Variants in RELN observed in about 807,000 individuals in gnomAD.
RELN encodes reelin.
RELN carries 108 observed loss-of-function variants against 427.6 expected under a neutral mutation model. The ratio of observed to expected loss-of-function variants is 0.25; its 90% CI spans 0.22 to 0.30. The LOEUF is 0.30. Ranked by LOEUF, RELN falls within the 10% of genes least tolerant of loss-of-function variation. The pLI, the probability that RELN is intolerant of heterozygous loss-of-function variation, is 1.00. For missense variants in RELN, 3,715 were observed against 4,302.8 expected (o/e 0.86, Z 3.82); for synonymous variants, 1,524 against 1,513.4 (o/e 1.01, Z -0.16).
intron 6 of RELN, among the ~76,000 whole-genome samples, chr7:103,736,138 A>T (rs923681699): frequency 2.0e-5 from 3 of 152,216 alleles, no homozygotes; most frequent in African/African-American, 7.2e-5. Context: ...CTTGCCGGCC[A>T]TTTGGTAGCT....
intron 49 of RELN, among the ~76,000 whole-genome samples, chr7:103,516,089 G>C (rs763279563): frequency 2.6e-5 from 4 of 152,002 alleles, no homozygotes; most frequent in Non-Finnish European, 4.4e-5. Flanking sequence ...CACTCACCAG[G>C]GACAGACATG....
At chr7:103,931,184 C>T (rs935943344) in intron 1 of RELN, among the ~76,000 whole-genome samples, 1 of 152,092 alleles carries the variant, frequency 6.6e-6, no homozygotes, top group Non-Finnish European at 1.5e-5. Flanking sequence ...TCTCACCTGC[C>T]ATTCTAGGCT....
rs527440675 is a variant in RELN at position 103,797,306 on chromosome 7, A to T, written c.474-20679T>A. 3.8e-4 allele frequency among the ~76,000 whole-genome samples: 58 copies of T among 152,248 alleles called. No individual in the cohort carries two copies. The South Asian group carries it at 0.011, about 29-fold the overall frequency. ...TTTTTAGTAGAGATGGGGTTTCACC[A>T]TGTTGGCTAGGCGGTCTCGAACTCC... is the stretch of plus-strand genomic sequence containing the variant. On this transcript the variant is annotated intron_variant, in intron 3 of 64. Coordinates refer to ENST00000428762, the MANE Select transcript of RELN (RefSeq NM_005045.4).
At chr7:103,647,961 C>T (rs149707523) in intron 16 of RELN, among the ~76,000 whole-genome samples, 1 of 152,026 alleles carries the variant, frequency 6.6e-6, no homozygotes, top group Non-Finnish European at 1.5e-5. Context: ...AAAGAACACC[C>T]TATTCAATAA....
At chr7:103,967,865 C>T (rs1796690420) in intron 1 of RELN, among the ~76,000 whole-genome samples, 1 of 152,206 alleles carries the variant, frequency 6.6e-6, no homozygotes, top group Non-Finnish European at 1.5e-5. Flanking sequence ...TTTGATTCCT[C>T]TAGATCTAAG....
chr7:103,779,547 A>C (rs1791834117), intron 3 of RELN, among the ~76,000 whole-genome samples: 1 of 152,154 alleles, frequency 6.6e-6, no homozygotes, highest in Non-Finnish European at 1.5e-5. Context: ...GAGCTACTGC[A>C]TGATTTACAA....
chr7:103,651,463 T>C (rs992665446), intron 15 of RELN, among the ~76,000 whole-genome samples, 198 bp downstream of exon 15: 3 of 152,108 alleles, frequency 2.0e-5, no homozygotes, highest in Non-Finnish European at 4.4e-5. Context: ...ATGAATGGCC[T>C]TACAAATGTT....
intron 5 of RELN, among the ~76,000 whole-genome samples, chr7:103,750,875 G>A (rs1206942655): frequency 6.6e-6 from 1 of 152,102 alleles, no homozygotes; most frequent in African/African-American, 2.4e-5. Context: ...ACACATTTGA[G>A]GTATATTGAA....
At chr7:103,542,915 C>G in intron 42 of RELN, 37 bp from the exon 43 acceptor site, 11 of 1,600,076 alleles carry the variant, frequency 6.9e-6, no homozygotes, top group Non-Finnish European at 9.4e-6. Flanking sequence ...CCTATGACCC[C>G]AACTATAGTG....
At chr7:103,814,898 A>G (rs1487885314) in intron 3 of RELN, among the ~76,000 whole-genome samples, 2 of 152,230 alleles carry the variant, frequency 1.3e-5, no homozygotes, top group Non-Finnish European at 2.9e-5. Flanking sequence ...ACATCTATTT[A>G]GCAATGTTTC....
Position 103,596,539 on chromosome 7 carries a change from G to T in RELN, c.3456C>A (p.Gly1152=). The T allele has an allele frequency of 6.8e-6, 11 of 1,613,940 alleles. No individual in the cohort carries two copies. The highest frequency in any genetic ancestry group is 8.5e-6 in the Non-Finnish European group (10 of 1,179,876). ...CATTGTTGCTGTACTGAAGGAGGAC[G>T]CCCTCCTCTCTGCTGTCAGGCTTGT... is the stretch of plus-strand genomic sequence containing the variant. ...SCNKPDSREE[G]VLLQYSNNGG... The change falls in exon 25 of 65, where the codon GGC becomes GGA. Residue 1152 remains glycine, a synonymous_variant. Coordinates refer to ENST00000428762, the MANE Select transcript of RELN (RefSeq NM_005045.4).
chr7:103,898,608 A>C (rs1274072900), intron 2 of RELN, among the ~76,000 whole-genome samples: 1 of 152,036 alleles, frequency 6.6e-6, no homozygotes, highest in Non-Finnish European at 1.5e-5. Flanking sequence ...AGTGTGCGTA[A>C]TTTTAAACAT....
At chr7:103,594,699 G>A (rs913792331) in intron 25 of RELN, among the ~76,000 whole-genome samples, 4 of 152,118 alleles carry the variant, frequency 2.6e-5, no homozygotes, top group Non-Finnish European at 5.9e-5. Context: ...ATTTCATTTG[G>A]AATTGTATCT....
chr7:103,552,136 T>C (rs565392225), intron 40 of RELN, among the ~76,000 whole-genome samples: 99 of 152,284 alleles, frequency 6.5e-4, no homozygotes, highest in South Asian at 1.7e-3. Context: ...TATCCACCAG[T>C]GTATTCTGTC....
At chr7:103,584,239 C>A (rs1437058622) in intron 28 of RELN, among the ~76,000 whole-genome samples, 1 of 152,154 alleles carries the variant, frequency 6.6e-6, no homozygotes, top group Admixed American at 6.5e-5. Context: ...ACGTAATGGG[C>A]TAAATCCTCA....
At chr7:103,866,677 C>T (rs749021641) in intron 2 of RELN, among the ~76,000 whole-genome samples, 5 of 151,866 alleles carry the variant, frequency 3.3e-5, no homozygotes, top group African/African-American at 7.3e-5. Flanking sequence ...ACATGTATCC[C>T]AAGATGTCTT....
chr7:103,616,406 T>C (rs1459462477), intron 20 of RELN, among the ~76,000 whole-genome samples: 1 of 152,130 alleles, frequency 6.6e-6, no homozygotes, highest in Non-Finnish European at 1.5e-5. Context: ...GCGGAAAAAC[T>C]TGTTGATGTT....
intron 2 of RELN, among the ~76,000 whole-genome samples, chr7:103,835,452 G>A (rs1054610578): frequency 1.3e-5 from 2 of 152,274 alleles, no homozygotes; most frequent in Middle Eastern, 3.4e-3. Flanking sequence ...ACTTTGAGCA[G>A]TAATGATGTG....
chr7:103,834,800 A>C (rs1793360519), intron 2 of RELN, among the ~76,000 whole-genome samples: 1 of 152,200 alleles, frequency 6.6e-6, no homozygotes, highest in Non-Finnish European at 1.5e-5. Context: ...TGATACCACC[A>C]AATGCTGCTG....
Sources: gnomAD v4.1 joint callset for allele counts (sites outside exome capture counted in the v4.1 genomes callset) on GRCh38, gnomAD v4.1.1 for gene constraint, MANE v1.5 for transcripts, NCBI Gene and HGNC (gene_info 2026-07-23, HGNC 2026-07-21) for gene names.